The following PRKG1 variants were observed in gnomAD, a reference collection of about 807,000 sequenced individuals.
PRKG1 encodes cGMP-dependent protein kinase 1.
PRKG1 carries 35 observed loss-of-function variants against 88.1 expected under a neutral mutation model. The ratio of observed to expected loss-of-function variants is 0.40; its 90% CI spans 0.30 to 0.53. The LOEUF (loss-of-function observed/expected upper bound fraction) is 0.53. PRKG1 is among the 20% of genes least tolerant of loss of function. The probability of loss-of-function intolerance (pLI) is 0.59; values close to 1 mark genes in which losing one functional copy is unlikely to be tolerated. For missense variants in PRKG1, 540 were observed against 839.8 expected (o/e 0.64, Z 4.41); for synonymous variants, 303 against 292.5 (o/e 1.04, Z -0.37).
chr10:52,223,464 G>T (rs1589712384), intron 9 of PRKG1, among the ~76,000 whole-genome samples: 1 of 152,056 alleles, frequency 6.6e-6, no homozygotes, highest in Non-Finnish European at 1.5e-5. Flanking sequence ...CTGCTACTTT[G>T]GTTGGTTGGT....
chr10:52,171,258 T>A (rs1349300823), intron 9 of PRKG1, among the ~76,000 whole-genome samples: 2 of 151,958 alleles, frequency 1.3e-5, no homozygotes, highest in African/African-American at 4.8e-5. Flanking sequence ...AGGGAAATGA[T>A]CCTGGAAAAT....
At chr10:51,080,226 A>T (rs896537442) in intron 1 of PRKG1, among the ~76,000 whole-genome samples, 1 of 152,172 alleles carries the variant, frequency 6.6e-6, no homozygotes. Context: ...CATGCCCCCA[A>T]AATGGGTCTT....
chr10:51,802,491 G>C (rs1839197881), intron 3 of PRKG1, among the ~76,000 whole-genome samples: 1 of 152,066 alleles, frequency 6.6e-6, no homozygotes, highest in Non-Finnish European at 1.5e-5. Flanking sequence ...ATTCAGTTTA[G>C]ATATTTTGAT....
chr10:52,150,439 A>G (rs1355848595), intron 8 of PRKG1, among the ~76,000 whole-genome samples: 1 of 152,114 alleles, frequency 6.6e-6, no homozygotes, highest in Middle Eastern at 3.2e-3. Flanking sequence ...CCTGTAAAAC[A>G]GGGAACATCC....
chr10:51,139,808 G>A (rs1845779997), intron 1 of PRKG1, among the ~76,000 whole-genome samples: 1 of 152,014 alleles, frequency 6.6e-6, no homozygotes, highest in African/African-American at 2.4e-5. Flanking sequence ...CTTCCACCTG[G>A]AATTGCTCCA....
intron 3 of PRKG1, among the ~76,000 whole-genome samples, chr10:51,802,608 TG>T (rs1297829200): frequency 6.6e-6 from 1 of 152,108 alleles, no homozygotes; most frequent in African/African-American, 2.4e-5. Flanking sequence ...CCAAATGAAA[TG>T]CTAATTTCTA....
intron 6 of PRKG1, among the ~76,000 whole-genome samples, chr10:52,057,595 T>G (rs142664312): frequency 7.0e-4 from 107 of 152,310 alleles, no homozygotes; most frequent in African/African-American, 2.2e-3. Flanking sequence ...GTTGCAGAGT[T>G]CTAATAGTAG....
intron 1 of PRKG1, among the ~76,000 whole-genome samples, chr10:51,146,937 T>C (rs1336293870): frequency 2.6e-5 from 4 of 152,176 alleles, no homozygotes; most frequent in Non-Finnish European, 5.9e-5. Context: ...ATGTGGTACA[T>C]ATACCCAACA....
intron 2 of PRKG1, among the ~76,000 whole-genome samples, chr10:51,305,797 C>A (rs35467397): frequency 0.01 from 1,527 of 152,258 alleles, 10 homozygotes; most frequent in Admixed American, 0.02. Context: ...ATATCATTTT[C>A]TTCCTAGAGA....
rs541333005 is a variant in PRKG1, at chr10:52,185,750, C to T, written c.1076+23787C>T. On this transcript the variant is annotated intron_variant, in intron 9 of 17. Coordinates refer to ENST00000373980, the MANE Select transcript of PRKG1 (RefSeq NM_006258.4). ...CCAAGCCTCTTTTACTCTTGCATTTCGTGCACCTGCTGACTTTACACCACA... is the reference window on the plus strand; with the variant it reads ...CCAAGCCTCTTTTACTCTTGCATTTTGTGCACCTGCTGACTTTACACCACA... Among the ~76,000 whole-genome samples, 16 of 152,334 alleles carry T rather than the reference C, an allele frequency of 1.1e-4. 1 individual carries two copies. Among genetic ancestry groups the T allele is most frequent in the African/African-American group, 3.8e-4 (16 of 41,580 alleles).
chr10:51,097,259 G>T (rs897789817), intron 1 of PRKG1, among the ~76,000 whole-genome samples: 1 of 152,150 alleles, frequency 6.6e-6, no homozygotes, highest in Non-Finnish European at 1.5e-5. Flanking sequence ...ACTGTTGTCA[G>T]CTGGGGCTGG....
chr10:52,047,242 T>C (rs1226063559), intron 5 of PRKG1, among the ~76,000 whole-genome samples: 1 of 152,142 alleles, frequency 6.6e-6, no homozygotes. Context: ...CATATTAAAA[T>C]TATAGCCTGA....
At chr10:51,130,025 G>T (rs1845525330) in intron 1 of PRKG1, among the ~76,000 whole-genome samples, 1 of 152,144 alleles carries the variant, frequency 6.6e-6, no homozygotes, top group Admixed American at 6.5e-5. Flanking sequence ...GGACCTTCAA[G>T]CATGAACTTT....
intron 2 of PRKG1, among the ~76,000 whole-genome samples, chr10:51,213,015 C>G (rs999871807): frequency 2.0e-5 from 3 of 152,106 alleles, no homozygotes; most frequent in African/African-American, 7.2e-5. Flanking sequence ...CACATGCACA[C>G]GTATGTTTAT....
chr10:51,207,246 G>A (rs1589244038), intron 2 of PRKG1, among the ~76,000 whole-genome samples: 1 of 152,200 alleles, frequency 6.6e-6, no homozygotes, highest in East Asian at 1.9e-4. Flanking sequence ...TTCTTAAAAG[G>A]AAAAAAATTA....
At chr10:51,005,414 A>G (rs895871997) in intron 1 of PRKG1, among the ~76,000 whole-genome samples, 8 of 152,212 alleles carry the variant, frequency 5.3e-5, no homozygotes, top group African/African-American at 1.2e-4. Flanking sequence ...CCTTTGATGG[A>G]CAAAACAAAA....
intron 3 of PRKG1, among the ~76,000 whole-genome samples, chr10:51,711,218 G>C (rs1299541092): frequency 1.3e-5 from 2 of 152,032 alleles, no homozygotes; most frequent in Non-Finnish European, 2.9e-5. Flanking sequence ...CCATTCTCCT[G>C]TCTCAGCCTC....
At chr10:51,935,317 C>T (rs1015513614) in intron 5 of PRKG1, among the ~76,000 whole-genome samples, 1 of 151,946 alleles carries the variant, frequency 6.6e-6, no homozygotes, top group Non-Finnish European at 1.5e-5. Context: ...CTCAGTATAA[C>T]CTGTGGTTCT....
chr10:51,691,048 AAT>A (rs1841128564), intron 3 of PRKG1, among the ~76,000 whole-genome samples: 3 of 150,778 alleles, frequency 2.0e-5, no homozygotes, highest in African/African-American at 7.3e-5. Flanking sequence ...ATATTTTATA[AAT>A]ATATGTTTTC....
Sources: gnomAD v4.1 joint callset for allele counts (sites outside exome capture counted in the v4.1 genomes callset) on GRCh38, gnomAD v4.1.1 for gene constraint, MANE v1.5 for transcripts, NCBI Gene and HGNC (gene_info 2026-07-23, HGNC 2026-07-21) for gene names.